The following CSMD1 variants were observed in gnomAD, a reference collection of about 807,000 sequenced individuals.
The protein encoded by CSMD1 is CUB and Sushi multiple domains 1.
In CSMD1, 213 loss-of-function variants were observed where a neutral mutation model predicts 417.5. The ratio of observed to expected loss-of-function variants is 0.51; its 90% CI spans 0.46 to 0.57. The LOEUF (loss-of-function observed/expected upper bound fraction) is 0.57, where lower values mean the gene tolerates loss of function less well. CSMD1 is among the 20% of genes least tolerant of loss of function. The probability of loss-of-function intolerance (pLI) is 0.00; values close to 1 mark genes in which losing one functional copy is unlikely to be tolerated. For synonymous variants in CSMD1, 2,862 were observed against 1,736.8 expected, an observed-to-expected ratio of 1.65 and a Z score of -16.11; for missense variants, 6,923 against 4,529.7, an observed-to-expected ratio of 1.53 and a Z score of -15.17.
intron 49 of CSMD1, among the ~76,000 whole-genome samples, chr8:3,079,596 A>G (rs1813936245): frequency 6.6e-6 from 1 of 152,220 alleles, no homozygotes. Flanking sequence ...CAGTTAATTC[A>G]TTTATGCCAG....
intron 5 of CSMD1, among the ~76,000 whole-genome samples, chr8:3,778,595 G>A (rs937873572): frequency 6.6e-6 from 1 of 152,176 alleles, no homozygotes; most frequent in Non-Finnish European, 1.5e-5. Flanking sequence ...AAGAGCATCA[G>A]TGCCCTCTCC....
At chr8:4,656,464 G>T (rs768276553) in intron 1 of CSMD1, among the ~76,000 whole-genome samples, 5 of 152,014 alleles carry the variant, frequency 3.3e-5, no homozygotes, top group Admixed American at 1.3e-4. Flanking sequence ...CTTAACCTTT[G>T]CTGATAAGAA....
intron 4 of CSMD1, among the ~76,000 whole-genome samples, chr8:4,026,199 C>G (rs1461689433): frequency 6.6e-6 from 1 of 152,120 alleles, no homozygotes; most frequent in African/African-American, 2.4e-5. Flanking sequence ...TCTTTATAAT[C>G]TAGTTATCCA....
At chr8:3,064,146 C>A (rs544154009) in intron 49 of CSMD1, among the ~76,000 whole-genome samples, 36 of 152,164 alleles carry the variant, frequency 2.4e-4, no homozygotes, top group Admixed American at 6.5e-4. Context: ...TTACTGAATA[C>A]GTTTTCAACA....
At chr8:4,395,152 C>T (rs751467672) in intron 3 of CSMD1, among the ~76,000 whole-genome samples, 1 of 152,150 alleles carries the variant, frequency 6.6e-6, no homozygotes, top group Non-Finnish European at 1.5e-5. Flanking sequence ...CTGCTGTCCT[C>T]TGACACTCCC....
intron 5 of CSMD1, among the ~76,000 whole-genome samples, chr8:3,958,049 C>T (rs1812084893): frequency 6.6e-6 from 1 of 152,058 alleles, no homozygotes; most frequent in Admixed American, 6.6e-5. Context: ...CTTAGTTGTG[C>T]CTGTATACTG....
chr8:4,366,524 T>C (rs1375168616), intron 3 of CSMD1, among the ~76,000 whole-genome samples: 1 of 152,174 alleles, frequency 6.6e-6, no homozygotes, highest in East Asian at 1.9e-4. Flanking sequence ...AGTAGCTTAA[T>C]TAATTTGCAT....
At chr8:4,221,379 A>G (rs1164180308) in intron 3 of CSMD1, among the ~76,000 whole-genome samples, 1 of 33,192 alleles carries the variant, frequency 3.0e-5, no homozygotes, top group East Asian at 9.9e-4. Context: ...GGAAAGTGAG[A>G]AAAAAAAAAA....
At chr8:4,760,124 G>C (rs1359533126) in intron 1 of CSMD1, among the ~76,000 whole-genome samples, 1 of 152,134 alleles carries the variant, frequency 6.6e-6, no homozygotes, top group Non-Finnish European at 1.5e-5. Flanking sequence ...TGAGATCTAA[G>C]CATCTTAATG....
intron 1 of CSMD1, among the ~76,000 whole-genome samples, chr8:4,970,486 C>T (rs929718353): frequency 1.4e-4 from 21 of 152,034 alleles, no homozygotes; most frequent in African/African-American, 4.6e-4. Flanking sequence ...TCCATTATAA[C>T]CCCATTCTCA....
intron 1 of CSMD1, among the ~76,000 whole-genome samples, chr8:4,738,797 G>T (rs1298823909): frequency 6.6e-6 from 1 of 152,002 alleles, no homozygotes; most frequent in Non-Finnish European, 1.5e-5. Flanking sequence ...AAATAAGATG[G>T]ATGCCCCTGT....
chr8:3,830,562 C>G (rs1405259375), intron 5 of CSMD1, among the ~76,000 whole-genome samples: 1 of 152,086 alleles, frequency 6.6e-6, no homozygotes, highest in African/African-American at 2.4e-5. Flanking sequence ...TAGAAACCCT[C>G]CAATAAGTTA....
chr8:3,201,607 CT>C lies in CSMD1; in HGVS notation c.5098+4del. The stretch of plus-strand genomic sequence containing the variant: ...AAATTAAGGGCAAAATTCTTTAAGA[CT>C]TACCTGAGTGAGACCCCGAGAGTGA... On this transcript the variant is annotated splice_donor_region_variant and intron_variant, in intron 32 of 69. Transcript: ENST00000635120. 2 of 1,571,072 alleles carry C rather than the reference CT, an allele frequency of 1.3e-6. No homozygotes were observed. The highest frequency in any genetic ancestry group is 1.7e-6 in the Non-Finnish European group (2 of 1,151,380).
intron 3 of CSMD1, among the ~76,000 whole-genome samples, chr8:4,077,296 T>TATATATATATATAC (rs1563092756): frequency 3.5e-5 from 3 of 85,342 alleles, no homozygotes; most frequent in African/African-American, 1.3e-4. Flanking sequence ...TATATATATG[T>TATATATATATATAC]GTATATATAT....
intron 41 of CSMD1, among the ~76,000 whole-genome samples, chr8:3,129,054 T>C (rs1224115346): frequency 6.6e-6 from 1 of 152,196 alleles, no homozygotes; most frequent in Non-Finnish European, 1.5e-5. Context: ...GGACTTATGC[T>C]TTCTAACGCT....
At chr8:4,982,694 A>G (rs1462269610) in intron 1 of CSMD1, among the ~76,000 whole-genome samples, 1 of 152,200 alleles carries the variant, frequency 6.6e-6, no homozygotes, top group Non-Finnish European at 1.5e-5. Context: ...AAGACCTATC[A>G]TTGTCCATCC....
intron 3 of CSMD1, among the ~76,000 whole-genome samples, chr8:4,313,145 G>A (rs181020927): frequency 1.2e-4 from 19 of 152,234 alleles, no homozygotes; most frequent in African/African-American, 3.1e-4. Context: ...TGAGCAAGCT[G>A]GAACTGGTCT....
At chr8:4,243,749 C>T (rs1159162431) in intron 3 of CSMD1, among the ~76,000 whole-genome samples, 1 of 152,126 alleles carries the variant, frequency 6.6e-6, no homozygotes, top group Non-Finnish European at 1.5e-5. Flanking sequence ...ACTCATTTTG[C>T]CGTGTCATCA....
chr8:3,242,675 A>C (rs1263072859), intron 26 of CSMD1, among the ~76,000 whole-genome samples: 1 of 151,830 alleles, frequency 6.6e-6, no homozygotes, highest in African/African-American at 2.4e-5. Flanking sequence ...GCTAAGGGAG[A>C]AGAGAGGGGA....
Sources: gnomAD v4.1 joint callset for allele counts (sites outside exome capture counted in the v4.1 genomes callset) on GRCh38, gnomAD v4.1.1 for gene constraint, MANE v1.5 for transcripts, NCBI Gene and HGNC (gene_info 2026-07-23, HGNC 2026-07-21) for gene names.